SPTB: variants seen among roughly 807,000 people sequenced by gnomAD.
SPTB encodes spectrin beta, erythrocytic, also known as spectrin beta chain, erythrocytic.
SPTB carries 45 observed loss-of-function variants against 256.2 expected under a neutral mutation model. That is an observed-to-expected ratio of 0.18 (90% CI 0.14 to 0.23). The LOEUF is 0.23. Ranked by LOEUF, SPTB falls within the 10% of genes least tolerant of loss-of-function variation. SPTB has a pLI of 1.00. For synonymous variants in SPTB, 1,231 were observed against 1,243.1 expected (o/e 0.99, Z 0.21); for missense variants, 2,715 against 3,040.4 (o/e 0.89, Z 2.52).
intron 1 of SPTB, among the ~76,000 whole-genome samples, chr14:64,871,352 G>A (rs1882519194): frequency 6.6e-6 from 1 of 152,304 alleles, no homozygotes; most frequent in Non-Finnish European, 1.5e-5. Context: ...GTGATGGAAA[G>A]TGGTAAAAGA....
chr14:64,811,497 T>G (rs191969021), intron 2 of SPTB, among the ~76,000 whole-genome samples: 42 of 152,388 alleles, frequency 2.8e-4, no homozygotes, highest in South Asian at 2.1e-4. Context: ...AGGGAATTAC[T>G]GTTAATTTTA....
chr14:64,767,420 C>T, intron 30 of SPTB, 68 bp from the exon 31 acceptor site: 1 of 1,602,258 alleles, frequency 6.2e-7, no homozygotes, highest in Non-Finnish European at 8.5e-7. Context: ...GACGATCTCC[C>T]TCTGGATGCG....
intron 2 of SPTB, among the ~76,000 whole-genome samples, chr14:64,805,847 G>A (rs970393704): frequency 7.9e-5 from 12 of 152,210 alleles, no homozygotes; most frequent in African/African-American, 2.9e-4. Flanking sequence ...AGGATATGTA[G>A]AATGTATGAC....
At chr14:64,818,614 G>A (rs1415973743) in intron 2 of SPTB, among the ~76,000 whole-genome samples, 1 of 152,154 alleles carries the variant, frequency 6.6e-6, no homozygotes, top group African/African-American at 2.4e-5. Flanking sequence ...TGCCTCCTCT[G>A]GGGTGAGGAG....
Position 64,787,369 on chromosome 14 carries a change from A to G in SPTB, c.2805-209T>C, listed in dbSNP as rs182040849. On this transcript the variant is annotated intron_variant, in intron 15 of 35. Coordinates refer to ENST00000644917, the MANE Select transcript of SPTB (RefSeq NM_001355436.2). ...TTACTCAAGACATATATAACTGTCA[A>G]TCAGATCTTTTGATCAGCAGGGGGC... Among the ~76,000 whole-genome samples, 84 of 152,366 alleles carry G rather than the reference A, an allele frequency of 5.5e-4. 1 individual carries two copies. The highest frequency in any genetic ancestry group is 9.4e-4 in the Non-Finnish European group (64 of 68,044).
chr14:64,823,669 GAC>G lies in SPTB; in HGVS notation c.-51-526_-51-525del, dbSNP rs1486789892. 1.3e-5 allele frequency among the ~76,000 whole-genome samples: 2 copies of G among 152,182 alleles called. No individual in the cohort carries two copies. The highest frequency in any genetic ancestry group is 2.9e-5 in the Non-Finnish European group (2 of 68,018). On this transcript the variant is annotated intron_variant, in intron 1 of 35. Transcript: ENST00000644917. The surrounding 1 kb of genome is among the most constrained non-coding windows in gnomAD (Gnocchi z 6.5). Reference sequence around the variant, plus strand: ...TGGATGAGAGAGTTAAGCCGCCACTGACGCCACCAGCCCGGGGCAGCTGCACT... The same window carrying G: ...TGGATGAGAGAGTTAAGCCGCCACTGGCCACCAGCCCGGGGCAGCTGCACT...
At position 64,795,248 on chromosome 14, in the gene SPTB, G is replaced by A; in HGVS notation, c.1644+89C>T. 6.9e-7 allele frequency: 1 copy of A among 1,445,528 alleles called. No individual in the cohort carries two copies. The highest frequency in any genetic ancestry group is 9.5e-7 in the Non-Finnish European group (1 of 1,054,984). 89.5% of individuals were successfully genotyped at this position (1,445,528 alleles called of 1,614,324 possible). A position where few individuals can be genotyped will look rare whatever the true frequency, so the allele number is the denominator to read the frequency against. On this transcript the variant is annotated intron_variant, in intron 12 of 35. Transcript: ENST00000644917. The surrounding 1 kb of genome is among the most constrained non-coding windows in gnomAD (Gnocchi z 6.5). ...ACTCAGAGATATGACTGGCTGGGAG[G>A]TGTCTAAGGAAGCCTATGCTAACTG...
chr14:64,772,884 A>C lies in SPTB; in HGVS notation c.5249T>G (p.Val1750Gly). Reference sequence around the variant, plus strand: ...GATGAGTCGCTCGATGAAGGCATTCACATTGTCCACCCGCTCCTGCCCAAT... The same window carrying C: ...GATGAGTCGCTCGATGAAGGCATTCCCATTGTCCACCCGCTCCTGCCCAAT... ...GAIGQERVDN[V>G]NAFIERLIDA... is the part of the protein sequence containing the mutation. Residue 1750 changes from valine (V) to glycine (G), a missense_variant, in exon 26 of 36, where the codon GTG (valine) becomes GGG (glycine). By Grantham distance (109) the Val-to-Gly change is moderately radical. This residue lies in a region of SPTB where 2,239 missense variants were observed against 2,384.4 expected (regional missense o/e 0.94). Coordinates refer to ENST00000644917, the MANE Select transcript of SPTB (RefSeq NM_001355436.2). This position sits in a 1 kb window ranked among gnomAD's most constrained non-coding sequence, Gnocchi z 5.4. 3 of 1,608,758 alleles carry C rather than the reference A, an allele frequency of 1.9e-6. No homozygotes were observed. The highest frequency in any genetic ancestry group is 2.6e-6 in the Non-Finnish European group (3 of 1,176,210).
At chr14:64,781,573 T>C (rs2082472338) in intron 20 of SPTB, among the ~76,000 whole-genome samples, 1 of 152,238 alleles carries the variant, frequency 6.6e-6, no homozygotes. Context: ...TAACAGACGC[T>C]GGCAAGGTTG....
At position 64,841,881 on chromosome 14, in the gene SPTB, C is replaced by T. The variant is rs549855087; in HGVS notation, c.-51-18736G>A. 1.4e-4 allele frequency among the ~76,000 whole-genome samples: 22 copies of T among 152,284 alleles called. 1 individual carries two copies. In the South Asian group the frequency reaches 4.1e-3, roughly 29 times the overall value. On this transcript the variant is annotated intron_variant, in intron 1 of 35. Coordinates refer to ENST00000644917, the MANE Select transcript of SPTB (RefSeq NM_001355436.2). The surrounding 1 kb of genome is among the most constrained non-coding windows in gnomAD (Gnocchi z 4.6). The stretch of plus-strand genomic sequence containing the variant: ...GCCCCAAGGTGTTGCAGTTTGATAA[C>T]GCTCTCCTCATATCTGTTAAAGAGC...
intron 1 of SPTB, among the ~76,000 whole-genome samples, chr14:64,859,249 G>A (rs1323864932): frequency 3.9e-5 from 6 of 152,274 alleles, no homozygotes; most frequent in East Asian, 3.9e-4. Context: ...GCGAGACTCC[G>A]TCTCAGAAGA....
In SPTB at chr14:64,853,464, A is replaced by G. The variant is rs1267237860; in HGVS notation, c.-52+26328T>C. Among the ~76,000 whole-genome samples the G allele has an allele frequency of 6.6e-6, 1 of 152,208 alleles. No individual in the cohort carries two copies. The highest frequency in any genetic ancestry group is 2.4e-5 in the African/African-American group (1 of 41,444). ...AATTTCCAGAAGCAAGGAGCAAACA[A>G]CACTGTCCCATATCCCAGAGAGCCT... On this transcript the variant is annotated intron_variant, in intron 1 of 35. Coordinates refer to ENST00000644917, the MANE Select transcript of SPTB (RefSeq NM_001355436.2). This position sits in a 1 kb window ranked among gnomAD's most constrained non-coding sequence, Gnocchi z 4.3.
In SPTB at chr14:64,764,446, G is replaced by C. The variant is rs900606374; in HGVS notation, c.6345+2280C>G. On this transcript the variant is annotated intron_variant, in intron 32 of 35. Coordinates refer to ENST00000644917, the MANE Select transcript of SPTB (RefSeq NM_001355436.2). This position sits in a 1 kb window ranked among gnomAD's most constrained non-coding sequence, Gnocchi z 4.2. ...TTGAGTCACCATCTGGTTTCTTTCC[G>C]GTACCGGGCACAAGCCAGTCTTCCC... 6.6e-6 allele frequency among the ~76,000 whole-genome samples: 1 copy of C among 152,180 alleles called. No individual in the cohort carries two copies. Among genetic ancestry groups the C allele is most frequent in the Admixed American group, 6.5e-5 (1 of 15,284 alleles).
At chr14:64,814,913 G>T (rs1274300316) in intron 2 of SPTB, among the ~76,000 whole-genome samples, 1 of 152,170 alleles carries the variant, frequency 6.6e-6, no homozygotes, top group African/African-American at 2.4e-5. Flanking sequence ...TTTGAAGAAG[G>T]CTAGTTTTCA....
At chr14:64,815,959 G>A (rs190488503) in intron 2 of SPTB, among the ~76,000 whole-genome samples, 38 of 152,298 alleles carry the variant, frequency 2.5e-4, no homozygotes, top group African/African-American at 8.4e-4. Flanking sequence ...ATATTGCCAG[G>A]TAGACCATTT....
rs145077630 is a variant in SPTB, at chr14:64,805,035, C to T, written c.204G>A (p.Leu68=). Residue 68 remains leucine, a synonymous_variant, in exon 3 of 36, where the codon CTG becomes CTA. Coordinates refer to ENST00000644917, the MANE Select transcript of SPTB (RefSeq NM_001355436.2). ...KTFTKWVNSH[L]ARVSCRITDL... ...CGGTGATGCGGCAGGACACTCGAGC[C>T]AGGTGCGAGTTCACCCATTTCGTGA... 1.4e-3 allele frequency: 2,311 copies of T among 1,614,150 alleles called. 4 individuals carry two copies. The highest frequency in any genetic ancestry group is 1.7e-3 in the Non-Finnish European group (1,994 of 1,180,036).
chr14:64,780,458 G>T (rs2082449922), intron 20 of SPTB, among the ~76,000 whole-genome samples: 1 of 152,152 alleles, frequency 6.6e-6, no homozygotes, highest in Non-Finnish European at 1.5e-5. Flanking sequence ...TTGTTGCCCA[G>T]GCTGGAGTGC....
At chr14:64,870,295 TCA>T (rs1252453703) in intron 1 of SPTB, among the ~76,000 whole-genome samples, 1 of 148,842 alleles carries the variant, frequency 6.7e-6, no homozygotes, top group Admixed American at 6.7e-5. Flanking sequence ...ACCATCACAA[TCA>T]CACACACAAA....
At chr14:64,768,585 G>C (rs985407443) in intron 29 of SPTB, among the ~76,000 whole-genome samples, 7 of 152,084 alleles carry the variant, frequency 4.6e-5, no homozygotes, top group South Asian at 2.1e-4. Flanking sequence ...ACGAAGAGCC[G>C]GTTCTGTGCT....
Sources: gnomAD v4.1 joint callset for allele counts (sites outside exome capture counted in the v4.1 genomes callset) on GRCh38, gnomAD v4.1.1 for gene constraint, gnomAD v4.1.1 regional missense constraint, Gnocchi (gnomAD v3.1) non-coding constraint, MANE v1.5 for transcripts, NCBI Gene and HGNC (gene_info 2026-07-23, HGNC 2026-07-21) for gene names.